Variants in CHCHD6 observed in about 807,000 individuals in gnomAD.
CHCHD6 encodes the protein coiled-coil-helix-coiled-coil-helix domain containing 6.
Under a neutral mutation model 32.3 loss-of-function variants are expected in CHCHD6, and 28 were observed. That is an observed-to-expected ratio of 0.87 (90% CI 0.64 to 1.19). The LOEUF is 1.19. Among genes scored for constraint, CHCHD6 ranks in the 50% most tolerant of loss-of-function variants. CHCHD6 has a pLI of 0.00. For missense variants in CHCHD6, 333 were observed against 307.0 expected, an observed-to-expected ratio of 1.08 and a Z score of -0.63; for synonymous variants, 122 against 117.5, an observed-to-expected ratio of 1.04 and a Z score of -0.25.
At chr3:126,897,265 A>G (rs535988757) in intron 5 of CHCHD6, among the ~76,000 whole-genome samples, 2 of 152,246 alleles carry the variant, frequency 1.3e-5, no homozygotes, top group South Asian at 2.1e-4. Flanking sequence ...TCCTCTTTCT[A>G]TCTCTAAGTA....
At chr3:126,738,802 C>G (rs767094462) in intron 4 of CHCHD6, among the ~76,000 whole-genome samples, 11 of 152,194 alleles carry the variant, frequency 7.2e-5, no homozygotes, top group Non-Finnish European at 1.5e-4. Flanking sequence ...TAAAACAAAA[C>G]AAAACAAAGT....
chr3:126,900,130 T>G (rs908389652), intron 5 of CHCHD6, among the ~76,000 whole-genome samples: 1 of 152,236 alleles, frequency 6.6e-6, no homozygotes, highest in Non-Finnish European at 1.5e-5. Context: ...GTACACATAA[T>G]GTGTAGCAAC....
At chr3:126,780,532 C>G (rs1937884916) in intron 4 of CHCHD6, 2 of 198,358 alleles carry the variant, frequency 1.0e-5, no homozygotes, top group South Asian at 1.5e-4. Flanking sequence ...AATCTTCCCC[C>G]CTTTTATTAC....
intron 4 of CHCHD6, among the ~76,000 whole-genome samples, chr3:126,820,773 C>T (rs1445576251): frequency 6.6e-6 from 1 of 152,180 alleles, no homozygotes; most frequent in Non-Finnish European, 1.5e-5. Context: ...TATCAGTTTA[C>T]TTTCCCTCCA....
chr3:126,716,957 T>C (rs901721360), intron 1 of CHCHD6, among the ~76,000 whole-genome samples: 2 of 152,142 alleles, frequency 1.3e-5, no homozygotes, highest in East Asian at 1.9e-4. Context: ...TTAGCTTCTG[T>C]AGTGGTTGTC....
At chr3:126,845,719 G>A (rs115804121) in intron 4 of CHCHD6, among the ~76,000 whole-genome samples, 1,824 of 151,814 alleles carry the variant, frequency 0.012, 21 homozygotes, top group Middle Eastern at 0.048. Context: ...TTTTTGCTCC[G>A]TCCAATATGC....
At chr3:126,713,562 C>T (rs1184290733) in intron 1 of CHCHD6, among the ~76,000 whole-genome samples, 2 of 152,140 alleles carry the variant, frequency 1.3e-5, no homozygotes, top group African/African-American at 2.4e-5. Flanking sequence ...GGAAGTGTTG[C>T]CTTCAGAAGG....
chr3:126,853,111 G>T (rs1941533995), intron 5 of CHCHD6, among the ~76,000 whole-genome samples: 1 of 152,038 alleles, frequency 6.6e-6, no homozygotes, highest in African/African-American at 2.4e-5. Context: ...GTGATGTCTT[G>T]CTATACAAAT....
At chr3:126,935,568 T>C (rs2078467908) in intron 6 of CHCHD6, among the ~76,000 whole-genome samples, 1 of 152,226 alleles carries the variant, frequency 6.6e-6, no homozygotes, top group South Asian at 2.1e-4. Flanking sequence ...GTTTTGTTAC[T>C]ATGCAGATTC....
intron 5 of CHCHD6, among the ~76,000 whole-genome samples, chr3:126,891,464 T>C (rs1034400336): frequency 6.6e-6 from 1 of 151,950 alleles, no homozygotes; most frequent in African/African-American, 2.4e-5. Context: ...GTGAGGCCAG[T>C]GAGGGGCAAG....
chr3:126,892,898 C>T (rs1013327465), intron 5 of CHCHD6, among the ~76,000 whole-genome samples: 1 of 152,190 alleles, frequency 6.6e-6, no homozygotes, highest in African/African-American at 2.4e-5. Flanking sequence ...TTCTTATTTC[C>T]TGAAAGTCTC....
intron 4 of CHCHD6, among the ~76,000 whole-genome samples, chr3:126,847,871 C>A (rs1219062336): frequency 2.6e-5 from 4 of 152,154 alleles, no homozygotes; most frequent in Non-Finnish European, 5.9e-5. Flanking sequence ...TCTCTTACCC[C>A]CTTGTCCTCT....
chr3:126,866,956 T>C (rs544637302), intron 5 of CHCHD6, among the ~76,000 whole-genome samples: 220 of 152,308 alleles, frequency 1.4e-3, no homozygotes, highest in African/African-American at 4.7e-3. Flanking sequence ...TTGGGGTTTT[T>C]TGTTTGTTTT....
chr3:126,802,005 T>C (rs1018848593), intron 4 of CHCHD6, among the ~76,000 whole-genome samples: 2 of 152,254 alleles, frequency 1.3e-5, no homozygotes, highest in African/African-American at 4.8e-5. Context: ...CTGAGGGTCC[T>C]GTCCGTTAGA....
intron 1 of CHCHD6, among the ~76,000 whole-genome samples, chr3:126,717,026 G>A (rs1176248390): frequency 6.6e-6 from 1 of 152,154 alleles, no homozygotes; most frequent in Non-Finnish European, 1.5e-5. Context: ...TTGCTGTTGG[G>A]GTGGCAGCCT....
intron 5 of CHCHD6, among the ~76,000 whole-genome samples, chr3:126,869,425 A>C (rs1443193762): frequency 6.6e-6 from 1 of 151,824 alleles, no homozygotes; most frequent in Non-Finnish European, 1.5e-5. Context: ...TCAATGGTAC[A>C]TCAAAAACAT....
chr3:126,747,420 A>G (rs1157162245), intron 4 of CHCHD6, among the ~76,000 whole-genome samples: 1 of 152,186 alleles, frequency 6.6e-6, no homozygotes, highest in Non-Finnish European at 1.5e-5. Flanking sequence ...TTTCAGTGAG[A>G]TAAAATTAAG....
intron 4 of CHCHD6, among the ~76,000 whole-genome samples, chr3:126,756,151 C>T (rs1270806625): frequency 4.6e-5 from 7 of 152,042 alleles, no homozygotes; most frequent in Non-Finnish European, 4.4e-5. Context: ...CCACTGTGGT[C>T]GTGATTCTTC....
At chr3:126,869,031 A>G (rs2077428174) in intron 5 of CHCHD6, among the ~76,000 whole-genome samples, 1 of 152,228 alleles carries the variant, frequency 6.6e-6, no homozygotes, top group South Asian at 2.1e-4. Context: ...TTAATTACTC[A>G]TATAATGCAC....
Sources: allele counts gnomAD v4.1 joint callset (sites outside exome capture counted in the v4.1 genomes callset), GRCh38; gene constraint gnomAD v4.1.1; transcripts MANE v1.5; gene names NCBI Gene and HGNC (gene_info 2026-07-23, HGNC 2026-07-21).